NDUFAF6: variants seen among roughly 807,000 people sequenced by gnomAD.
NDUFAF6 encodes the protein NADH dehydrogenase (ubiquinone) complex I, assembly factor 6.
NDUFAF6 carries 45 observed loss-of-function variants against 40.8 expected under a neutral mutation model. That is an observed-to-expected ratio of 1.10 (90% CI 0.87 to 1.42). NDUFAF6 has a LOEUF of 1.42. Among genes scored for constraint, NDUFAF6 ranks in the 40% most tolerant of loss-of-function variants. The probability of loss-of-function intolerance (pLI) is 0.00; values close to 1 mark genes in which losing one functional copy is unlikely to be tolerated. For missense variants in NDUFAF6, 435 were observed against 418.5 expected (o/e 1.04, Z -0.34); for synonymous variants, 185 against 155.9 (o/e 1.19, Z -1.39).
At chr8:95,067,090 T>A (rs1441222766) in intron 9 of NDUFAF6, 1 of 152,262 alleles carries the variant, frequency 6.6e-6, no homozygotes, top group Non-Finnish European at 1.5e-5. Flanking sequence ...GAGATCTTAA[T>A]TCACAAATGT....
intron 1 of NDUFAF6, among the ~76,000 whole-genome samples, chr8:94,937,311 G>T (rs1017568729): frequency 6.6e-6 from 1 of 151,870 alleles, no homozygotes; most frequent in Non-Finnish European, 1.5e-5. Flanking sequence ...TATGGTGGCG[G>T]GCGCCTGTAA....
chr8:94,936,330 A>T (rs1318825408), intron 1 of NDUFAF6, among the ~76,000 whole-genome samples: 1 of 152,188 alleles, frequency 6.6e-6, no homozygotes, highest in African/African-American at 2.4e-5. Context: ...TAAGAAGGAC[A>T]CACCCACAAG....
At chr8:95,008,487 A>C (rs1483262644) in intron 2 of NDUFAF6, among the ~76,000 whole-genome samples, 1 of 152,142 alleles carries the variant, frequency 6.6e-6, no homozygotes, top group Non-Finnish European at 1.5e-5. Flanking sequence ...ACAGTAATTA[A>C]TATTATTAGT....
intron 1 of NDUFAF6, among the ~76,000 whole-genome samples, chr8:94,909,953 TTGTC>T (rs1184070625): frequency 6.6e-6 from 1 of 151,922 alleles, no homozygotes; most frequent in Non-Finnish European, 1.5e-5. Context: ...GCCCTCTGCT[TTGTC>T]TGCATCAGAG....
At chr8:94,959,781 C>G (rs1823409507) in intron 1 of NDUFAF6, among the ~76,000 whole-genome samples, 1 of 152,172 alleles carries the variant, frequency 6.6e-6, no homozygotes. Flanking sequence ...CTCAAGTGAT[C>G]CTCTCGCCTT....
intron 1 of NDUFAF6, 89 bp from the exon 2 acceptor site, chr8:95,031,906 C>T (rs1828897375): frequency 1.5e-6 from 2 of 1,323,814 alleles, no homozygotes; most frequent in Admixed American, 1.7e-5. Flanking sequence ...CAACTTGAAG[C>T]CTTTTTGTTT....
At chr8:94,944,928 GC>G (rs1393102154) in intron 1 of NDUFAF6, among the ~76,000 whole-genome samples, 1 of 152,206 alleles carries the variant, frequency 6.6e-6, no homozygotes, top group African/African-American at 2.4e-5. Context: ...CTTTGGCCCT[GC>G]TTTCTGCAGG....
chr8:95,060,840 T>C (rs1832554115), downstream of NDUFAF6, among the ~76,000 whole-genome samples: 1 of 152,104 alleles, frequency 6.6e-6, no homozygotes, highest in South Asian at 2.1e-4. Context: ...ACAAATTAGG[T>C]TAAAAAAGGT....
chr8:94,999,668 C>T (rs567786565), intron 2 of NDUFAF6, among the ~76,000 whole-genome samples: 24 of 152,244 alleles, frequency 1.6e-4, no homozygotes, highest in South Asian at 2.1e-4. Context: ...CCACCCACCT[C>T]GGTCTCCCAA....
intron 2 of NDUFAF6, among the ~76,000 whole-genome samples, chr8:95,017,099 A>ATTTTTT (rs781650429): frequency 1.8e-5 from 2 of 111,884 alleles, no homozygotes; most frequent in African/African-American, 7.2e-5. Flanking sequence ...TGCCCAGCTA[A>ATTTTTT]TTTTTTTTTT....
At chr8:95,000,954 CT>C (rs1158530408) in intron 2 of NDUFAF6, among the ~76,000 whole-genome samples, 14,106 of 133,962 alleles carry the variant, frequency 0.11, 677 homozygotes, top group Middle Eastern at 0.21. Flanking sequence ...CTTCCCCTTA[CT>C]TTTTTTTTTT....
intron 1 of NDUFAF6, chr8:94,896,607 G>T (rs979237315): frequency 6.6e-6 from 1 of 152,090 alleles, no homozygotes; most frequent in African/African-American, 2.4e-5. Context: ...TAGCTCGGGC[G>T]GGCCGCGTCT....
At chr8:95,057,720 A>C (rs750708421) in intron 8 of NDUFAF6, 89 bp from the exon 9 acceptor site, 21 of 1,052,628 alleles carry the variant, frequency 2.0e-5, no homozygotes, top group Non-Finnish European at 3.0e-5. Context: ...AAATAGCCTA[A>C]ATACTTGTAA....
At chr8:94,992,592 C>T (rs1826243989) in intron 2 of NDUFAF6, among the ~76,000 whole-genome samples, 1 of 152,200 alleles carries the variant, frequency 6.6e-6, no homozygotes, top group Non-Finnish European at 1.5e-5. Flanking sequence ...TACTCTTCTT[C>T]CCTTCAACCA....
chr8:94,980,911 G>C (rs1459139028), exon 2 of NDUFAF6: 7 of 456,484 alleles, frequency 1.5e-5, no homozygotes, highest in Non-Finnish European at 4.4e-6. Flanking sequence ...TGCTCAAGAG[G>C]AACGGCACAT....
intron 1 of NDUFAF6, among the ~76,000 whole-genome samples, chr8:94,912,633 A>T (rs1818854289): frequency 7.1e-6 from 1 of 139,994 alleles, no homozygotes; most frequent in African/African-American, 2.6e-5. Flanking sequence ...TGTCTCTACT[A>T]AAAAAAAAAA....
At chr8:95,030,504 G>A (rs1157710910) in intron 1 of NDUFAF6, among the ~76,000 whole-genome samples, 1 of 152,172 alleles carries the variant, frequency 6.6e-6, no homozygotes, top group African/African-American at 2.4e-5. Flanking sequence ...CACAGTGCTA[G>A]ATTATAGGCA....
At chr8:94,895,906 C>G (rs1167292559) in exon 1 of NDUFAF6, 1 of 153,726 alleles carries the variant, frequency 6.5e-6, no homozygotes, top group Non-Finnish European at 1.4e-5. Flanking sequence ...CCAGGGAAGG[C>G]ATTTCCAGCC....
At chr8:94,963,056 G>A (rs1029892655) in intron 1 of NDUFAF6, among the ~76,000 whole-genome samples, 1 of 151,902 alleles carries the variant, frequency 6.6e-6, no homozygotes, top group Non-Finnish European at 1.5e-5. Flanking sequence ...CTCCCAAAGT[G>A]CTGGGATTAC....
Sources: gnomAD v4.1 joint callset for allele counts (sites outside exome capture counted in the v4.1 genomes callset) on GRCh38, gnomAD v4.1.1 for gene constraint, MANE v1.5 for transcripts, NCBI Gene and HGNC (gene_info 2026-07-23, HGNC 2026-07-21) for gene names.